CREB5: variants seen among roughly 807,000 people sequenced by gnomAD.
The protein encoded by CREB5 is cAMP responsive element binding protein 5, also known as cyclic AMP-responsive element-binding protein 5.
A neutral mutation model predicts 57.1 loss-of-function variants in CREB5; 19 were observed. The ratio of observed to expected loss-of-function variants is 0.33; its 90% CI spans 0.23 to 0.49. The LOEUF (loss-of-function observed/expected upper bound fraction) is 0.49. Among genes scored for constraint, CREB5 ranks in the 20% least tolerant of loss-of-function variants. The probability of loss-of-function intolerance (pLI) is 0.99; values close to 1 mark genes in which losing one functional copy is unlikely to be tolerated. For synonymous variants in CREB5, 238 were observed against 238.3 expected (o/e 1.00, Z 0.01); for missense variants, 579 against 671.6 (o/e 0.86, Z 1.52).
At chr7:28,766,628 C>T (rs1394696790) in intron 7 of CREB5, among the ~76,000 whole-genome samples, 1 of 152,172 alleles carries the variant, frequency 6.6e-6, no homozygotes, top group Non-Finnish European at 1.5e-5. Flanking sequence ...AACATTGGAG[C>T]ACCCACGGGC....
chr7:28,643,312 C>T (rs2128702056), intron 5 of CREB5, among the ~76,000 whole-genome samples: 1 of 152,254 alleles, frequency 6.6e-6, no homozygotes, highest in African/African-American at 2.4e-5. Flanking sequence ...AAGTTTAGGG[C>T]ATATTTGTCC....
chr7:28,580,592 T>TGA (rs201639370), intron 5 of CREB5, among the ~76,000 whole-genome samples: 9 of 143,854 alleles, frequency 6.3e-5, no homozygotes, highest in African/African-American at 2.0e-4. Flanking sequence ...TGTGTGTGTG[T>TGA]GAGAGAGAGA....
chr7:28,744,340 C>CTTTTTTTTTTTTTTT (rs753167682), intron 7 of CREB5, among the ~76,000 whole-genome samples: 1 of 88,786 alleles, frequency 1.1e-5, no homozygotes. Flanking sequence ...TTTAGTACCT[C>CTTTTTTTTTTTTTTT]TTTTTTTTTT....
chr7:28,678,499 AAG>A (rs1245876679), intron 5 of CREB5, among the ~76,000 whole-genome samples: 1 of 152,202 alleles, frequency 6.6e-6, no homozygotes, highest in Non-Finnish European at 1.5e-5. Flanking sequence ...AAGCATTTAA[AAG>A]AGTCACTATG....
At chr7:28,345,593 T>C (rs763207526) in intron 1 of CREB5, among the ~76,000 whole-genome samples, 1 of 152,154 alleles carries the variant, frequency 6.6e-6, no homozygotes, top group Non-Finnish European at 1.5e-5. Context: ...TGTGTCCTGT[T>C]CATTGCAGAG....
intron 1 of CREB5, among the ~76,000 whole-genome samples, chr7:28,343,518 A>G (rs1391586751): frequency 6.6e-6 from 1 of 150,652 alleles, no homozygotes; most frequent in Non-Finnish European, 1.5e-5. Context: ...TATTATTGCA[A>G]ATGACAAGAT....
rs11972263 is a variant in CREB5, at chr7:28,329,111, G to A, written c.-25+29670G>A. ...ATATCTCACTGGTTCATTCTGTAAA[G>A]CTGAGAATCAGTTTCTGGGGTAAAT... On this transcript the variant is annotated intron_variant, in intron 1 of 9. Transcript: ENST00000396299. 4.3e-3 allele frequency among the ~76,000 whole-genome samples: 652 copies of A among 152,318 alleles called. 7 individuals carry two copies. The highest frequency in any genetic ancestry group is 0.015 in the African/African-American group (617 of 41,556).
intron 1 of CREB5, among the ~76,000 whole-genome samples, chr7:28,457,258 G>C (rs540582592): frequency 6.6e-6 from 1 of 152,128 alleles, no homozygotes; most frequent in Non-Finnish European, 1.5e-5. Flanking sequence ...ATTTCAACAT[G>C]AATTTTGGAG....
rs143014381 is a variant in CREB5, at chr7:28,450,018, G to A, written c.3+37101G>A. Among the ~76,000 whole-genome samples, 1,020 of 152,088 alleles carry A rather than the reference G, an allele frequency of 6.7e-3. 6 individuals are homozygous for A. Among genetic ancestry groups the A allele is most frequent in the Non-Finnish European group, 0.011 (780 of 68,008 alleles). ...AGTCAATGGTGAGATCGAATCTTTG[G>A]ACCTCCTTTGGACCACCGGAATGAA... On this transcript the variant is annotated intron_variant, in intron 1 of 10. Coordinates refer to ENST00000357727, the MANE Select transcript of CREB5 (RefSeq NM_182898.4).
chr7:28,591,557 G>A (rs1032759990), intron 5 of CREB5, among the ~76,000 whole-genome samples: 1 of 152,148 alleles, frequency 6.6e-6, no homozygotes, highest in African/African-American at 2.4e-5. Context: ...GCTTCCACCT[G>A]CCTTCAGAAA....
intron 4 of CREB5, among the ~76,000 whole-genome samples, chr7:28,547,340 G>T (rs1184100640): frequency 6.6e-6 from 1 of 152,042 alleles, no homozygotes; most frequent in Non-Finnish European, 1.5e-5. Context: ...TGTTTTTCTT[G>T]TTTTAATTTG....
In CREB5 at chr7:28,823,810, C is replaced by G. The variant is rs941720319; in HGVS notation, c.*4531C>G. ...TCCCTTCCCGAACAATATGCAGTAG[C>G]TTTAAGCCATTCAAGCTCCATTATG... On this transcript the variant is annotated 3_prime_UTR_variant, in exon 11 of 11. Coordinates refer to ENST00000357727, the MANE Select transcript of CREB5 (RefSeq NM_182898.4). 9.8e-5 allele frequency: 15 copies of G among 152,536 alleles called. 1 individual carries two copies. The highest frequency in any genetic ancestry group is 6.5e-4 in the Admixed American group (10 of 15,270). 9.4% of individuals were successfully genotyped at this position (152,536 alleles called of 1,614,324 possible).
chr7:28,709,871 G>T (rs142061864), intron 5 of CREB5, among the ~76,000 whole-genome samples: 1 of 152,144 alleles, frequency 6.6e-6, no homozygotes, highest in Non-Finnish European at 1.5e-5. Flanking sequence ...CGATAAGTCC[G>T]TGCGAAGCAG....
intron 1 of CREB5, among the ~76,000 whole-genome samples, chr7:28,380,393 A>T (rs1418005649): frequency 6.6e-6 from 1 of 152,110 alleles, no homozygotes; most frequent in African/African-American, 2.4e-5. Context: ...CCTGCCATTT[A>T]TTTTATTCTC....
intron 9 of CREB5, among the ~76,000 whole-genome samples, chr7:28,816,803 C>T (rs1421385925): frequency 2.6e-5 from 4 of 152,254 alleles, no homozygotes; most frequent in East Asian, 3.9e-4. Flanking sequence ...TCGTCCTTTT[C>T]GGTGTGCATG....
chr7:28,719,300 T>C (rs566440652), intron 6 of CREB5, among the ~76,000 whole-genome samples: 1 of 152,376 alleles, frequency 6.6e-6, no homozygotes, highest in Non-Finnish European at 1.5e-5. Context: ...GCTGCTAACA[T>C]GCATTTATGC....
intron 4 of CREB5, among the ~76,000 whole-genome samples, chr7:28,523,200 G>A (rs568597266): frequency 3.9e-5 from 6 of 152,062 alleles, no homozygotes; most frequent in Admixed American, 6.5e-5. Flanking sequence ...ATCACTTTTG[G>A]GTGTCATAGG....
At chr7:28,561,099 A>T (rs190630625) in intron 4 of CREB5, among the ~76,000 whole-genome samples, 24 of 152,072 alleles carry the variant, frequency 1.6e-4, no homozygotes, top group African/African-American at 5.8e-4. Flanking sequence ...TACTTTTCAT[A>T]TTCCTTCTAA....
At chr7:28,750,924 C>T (rs1270748556) in intron 7 of CREB5, among the ~76,000 whole-genome samples, 1 of 152,044 alleles carries the variant, frequency 6.6e-6, no homozygotes, top group African/African-American at 2.4e-5. Flanking sequence ...AAACATAGGC[C>T]TAATTACCCC....
Sources: allele counts gnomAD v4.1 joint callset (sites outside exome capture counted in the v4.1 genomes callset), GRCh38; gene constraint gnomAD v4.1.1; transcripts MANE v1.5; gene names NCBI Gene and HGNC (gene_info 2026-07-23, HGNC 2026-07-21).